EPHA6: variants seen among roughly 807,000 people sequenced by gnomAD.
The protein encoded by EPHA6 is ephrin type-A receptor 6.
EPHA6 carries 50 observed loss-of-function variants against 112.0 expected under a neutral mutation model. The ratio of observed to expected loss-of-function variants is 0.45; its 90% confidence interval spans 0.36 to 0.56. The LOEUF (loss-of-function observed/expected upper bound fraction) is 0.56. Among genes scored for constraint, EPHA6 ranks in the 20% least tolerant of loss-of-function variants. The pLI is 0.00. For synonymous variants in EPHA6, 529 were observed against 490.7 expected (o/e 1.08, Z -1.03); for missense variants, 1,280 against 1,417.4 (o/e 0.90, Z 1.56).
At chr3:97,506,879 C>T (rs1169027940) in intron 10 of EPHA6, among the ~76,000 whole-genome samples, 1 of 152,162 alleles carries the variant, frequency 6.6e-6, no homozygotes, top group African/African-American at 2.4e-5. Context: ...TTGAAGAAGT[C>T]CTTCACATCC....
chr3:96,976,280 T>C (rs2042518337), intron 2 of EPHA6, among the ~76,000 whole-genome samples: 1 of 152,180 alleles, frequency 6.6e-6, no homozygotes, highest in Admixed American at 6.6e-5. Context: ...TAATTCTTTA[T>C]TGTTCAAGTC....
At chr3:97,109,028 C>T (rs2047645185) in intron 3 of EPHA6, among the ~76,000 whole-genome samples, 1 of 152,146 alleles carries the variant, frequency 6.6e-6, no homozygotes, top group Admixed American at 6.6e-5. Flanking sequence ...TCATAACCAC[C>T]TCTGTATTCT....
chr3:96,864,087 G>A (rs1370468053), intron 1 of EPHA6, among the ~76,000 whole-genome samples: 1 of 152,058 alleles, frequency 6.6e-6, no homozygotes, highest in Non-Finnish European at 1.5e-5. Context: ...GTCCTGGTTT[G>A]TACAGGAATG....
At chr3:97,451,931 C>G (rs559829415) in intron 7 of EPHA6, among the ~76,000 whole-genome samples, 84 of 151,944 alleles carry the variant, frequency 5.5e-4, no homozygotes, top group Non-Finnish European at 1.0e-3. Context: ...AAGGAGTGAT[C>G]TCATTTGATG....
intron 3 of EPHA6, among the ~76,000 whole-genome samples, chr3:97,179,093 A>G (rs1485455767): frequency 6.6e-6 from 1 of 151,694 alleles, no homozygotes; most frequent in African/African-American, 2.4e-5. Context: ...CTAACTGTGT[A>G]TTTTCAAATA....
chr3:97,155,883 A>T (rs1181358149), intron 3 of EPHA6, among the ~76,000 whole-genome samples: 3 of 152,108 alleles, frequency 2.0e-5, no homozygotes, highest in African/African-American at 7.2e-5. Flanking sequence ...TCAAGAGGTA[A>T]ATGAAGCCAC....
At chr3:97,466,644 G>A (rs1214462965) in intron 7 of EPHA6, among the ~76,000 whole-genome samples, 1 of 151,802 alleles carries the variant, frequency 6.6e-6, no homozygotes, top group African/African-American at 2.4e-5. Flanking sequence ...GGTAAAAATG[G>A]CAATTTTCAT....
intron 7 of EPHA6, among the ~76,000 whole-genome samples, chr3:97,472,740 A>G (rs16838741): frequency 0.026 from 3,886 of 151,944 alleles, 167 homozygotes; most frequent in African/African-American, 0.084. Flanking sequence ...GATTGTGACA[A>G]GAATGTTTAA....
chr3:96,941,298 C>G lies in EPHA6; in HGVS notation c.451-46032C>G, dbSNP rs2107687314. On this transcript the variant is annotated intron_variant, in intron 2 of 17. Transcript: ENST00000389672. ...TATTTCCTGGAGGCTTTGTTCGTTT[C>G]TTTTTATTCTTTTTTCTCTAAACTT... Among the ~76,000 whole-genome samples the G allele has an allele frequency of 1.3e-5, 2 of 152,258 alleles. 1 individual carries two copies. The highest frequency in any genetic ancestry group is 4.1e-4 in the South Asian group (2 of 4,824).
intron 14 of EPHA6, among the ~76,000 whole-genome samples, chr3:97,695,118 T>C (rs2032946643): frequency 6.6e-6 from 1 of 152,230 alleles, no homozygotes; most frequent in Non-Finnish European, 1.5e-5. Context: ...ATTGTCATTA[T>C]GTTATCAGCA....
intron 14 of EPHA6, 92 bp from the exon 15 acceptor site, chr3:97,720,169 A>T: frequency 8.7e-7 from 1 of 1,145,066 alleles, no homozygotes; most frequent in Non-Finnish European, 1.2e-6. Context: ...TGAAGTATTT[A>T]GATCTTTCTA....
chr3:97,135,010 GAA>G (rs2075732898), intron 3 of EPHA6, among the ~76,000 whole-genome samples: 1 of 152,128 alleles, frequency 6.6e-6, no homozygotes, highest in Non-Finnish European at 1.5e-5. Flanking sequence ...GGAATTCAGA[GAA>G]AGCCTCTCCC....
intron 3 of EPHA6, among the ~76,000 whole-genome samples, chr3:97,182,191 A>G (rs1470792786): frequency 6.6e-6 from 1 of 151,970 alleles, no homozygotes; most frequent in African/African-American, 2.4e-5. Flanking sequence ...TCTATTTCCT[A>G]TAACTAAAAT....
chr3:97,533,586 T>C (rs1200149713), intron 11 of EPHA6, among the ~76,000 whole-genome samples: 1 of 152,098 alleles, frequency 6.6e-6, no homozygotes, highest in African/African-American at 2.4e-5. Flanking sequence ...TGTCGTTGTG[T>C]AGTTTTTTCC....
intron 14 of EPHA6, among the ~76,000 whole-genome samples, chr3:97,702,663 C>A (rs1007787180): frequency 6.6e-6 from 1 of 152,076 alleles, no homozygotes; most frequent in Admixed American, 6.6e-5. Flanking sequence ...ATCACTATTT[C>A]TCTTATTATC....
chr3:97,691,615 C>T (rs2032670707), intron 14 of EPHA6, among the ~76,000 whole-genome samples: 1 of 152,094 alleles, frequency 6.6e-6, no homozygotes, highest in Non-Finnish European at 1.5e-5. Flanking sequence ...CATCTCCAAG[C>T]CTCCAAGCTT....
chr3:97,522,951 G>C (rs1223728819), intron 10 of EPHA6, among the ~76,000 whole-genome samples: 1 of 151,876 alleles, frequency 6.6e-6, no homozygotes, highest in Non-Finnish European at 1.5e-5. Context: ...CTGGCAAAGG[G>C]TTTGTCAATT....
intron 3 of EPHA6, among the ~76,000 whole-genome samples, chr3:97,211,346 C>T (rs1017397249): frequency 6.6e-6 from 1 of 152,128 alleles, no homozygotes; most frequent in African/African-American, 2.4e-5. Context: ...TTATTAATCC[C>T]TCACAACCAC....
intron 2 of EPHA6, 95 bp from the exon 3 acceptor site, chr3:96,987,235 T>G (rs188856873): frequency 9.2e-7 from 1 of 1,083,528 alleles, no homozygotes; most frequent in African/African-American, 1.6e-5. Flanking sequence ...TTTAATTCAT[T>G]TTTATTTTGG....
Sources: allele counts gnomAD v4.1 joint callset (sites outside exome capture counted in the v4.1 genomes callset), GRCh38; gene constraint gnomAD v4.1.1; transcripts MANE v1.5; gene names NCBI Gene and HGNC (gene_info 2026-07-23, HGNC 2026-07-21).